The following SEC23A variants were observed in gnomAD, a reference collection of about 807,000 sequenced individuals.
The protein encoded by SEC23A is protein transport protein Sec23A.
In SEC23A, 56 loss-of-function variants were observed where a neutral mutation model predicts 103.7. The observed-to-expected ratio is 0.54, with a 90% confidence interval of 0.44 to 0.67. SEC23A has a LOEUF of 0.67. Among genes scored for constraint, SEC23A ranks in the 30% least tolerant of loss-of-function variants. The pLI, the probability that SEC23A is intolerant of heterozygous loss-of-function variation, is 0.00. For synonymous variants in SEC23A, 281 were observed against 293.0 expected (o/e 0.96, Z 0.42); for missense variants, 784 against 936.4 (o/e 0.84, Z 2.12).
chr14:39,064,425 A>G (rs1017541660), intron 11 of SEC23A: 2 of 154,728 alleles, frequency 1.3e-5, no homozygotes, highest in Non-Finnish European at 2.9e-5. Flanking sequence ...TCAAAAATCA[A>G]TTTAGAGCTA....
intron 16 of SEC23A, among the ~76,000 whole-genome samples, chr14:39,044,248 C>T (rs749055692): frequency 5.9e-5 from 9 of 152,074 alleles, no homozygotes; most frequent in East Asian, 1.9e-4. Flanking sequence ...CTTCTAAACA[C>T]CATTCTACAT....
At position 39,083,476 on chromosome 14, in the gene SEC23A, T is replaced by G. The variant is rs557421816; in HGVS notation, c.828+2286A>C. On this transcript the variant is annotated intron_variant, in intron 7 of 19. Transcript: ENST00000307712. ...ATGTCTCATGTCTCCCGAAAATTTATAAAACCAACTGTGCTCTGACCACCT... is the reference window on the plus strand; with the variant it reads ...ATGTCTCATGTCTCCCGAAAATTTAGAAAACCAACTGTGCTCTGACCACCT... Among the ~76,000 whole-genome samples the G allele has an allele frequency of 1.2e-4, 18 of 151,702 alleles. No homozygotes were observed. The East Asian group carries it at 3.5e-3, about 30-fold the overall frequency.
intron 1 of SEC23A, among the ~76,000 whole-genome samples, chr14:39,097,693 G>A (rs973032365): frequency 6.6e-6 from 1 of 152,120 alleles, no homozygotes; most frequent in Non-Finnish European, 1.5e-5. Context: ...CAGAATCTTG[G>A]AGACAGCTAG....
chr14:39,050,185 C>T (rs1886008875), intron 14 of SEC23A, among the ~76,000 whole-genome samples: 1 of 152,100 alleles, frequency 6.6e-6, no homozygotes, highest in East Asian at 1.9e-4. Context: ...CAGACTGAAG[C>T]ATAAAGAAGG....
At chr14:39,038,775 G>C (rs1885539417) in intron 19 of SEC23A, among the ~76,000 whole-genome samples, 1 of 152,162 alleles carries the variant, frequency 6.6e-6, no homozygotes, top group Non-Finnish European at 1.5e-5. Context: ...TTAAACTGGA[G>C]TCACCACTTC....
chr14:39,056,834 C>T (rs113084905), intron 13 of SEC23A, among the ~76,000 whole-genome samples: 2 of 152,070 alleles, frequency 1.3e-5, no homozygotes, highest in African/African-American at 4.8e-5. Context: ...AAAATATAAC[C>T]AAACCTAAAG....
intron 7 of SEC23A, among the ~76,000 whole-genome samples, chr14:39,082,433 T>C (rs1055365726): frequency 6.6e-6 from 1 of 152,138 alleles, no homozygotes; most frequent in Non-Finnish European, 1.5e-5. Flanking sequence ...TGGGTAAAAG[T>C]TTGCTGAGTA....
rs137921928 is a variant in SEC23A, at chr14:39,076,279, T to A, written c.829-186A>T. On this transcript the variant is annotated intron_variant, in intron 7 of 19. Transcript: ENST00000307712. ...ACAACTTTCTTTTAAAATCCTATGG[T>A]ATATAGTAGCACATTCCTAATTCTA... Among the ~76,000 whole-genome samples the A allele has an allele frequency of 4.5e-3, 691 of 152,258 alleles. 7 individuals carry two copies. Among genetic ancestry groups the A allele is most frequent in the African/African-American group, 0.016 (666 of 41,550 alleles).
rs147995893 is a variant in SEC23A at position 39,074,610 on chromosome 14, T to TAAG, written c.988-83_988-81dup. 0.46 allele frequency: 368,540 copies of TAAG among 800,896 alleles called. 87,970 individuals are homozygous for TAAG. Among genetic ancestry groups the TAAG allele is most frequent in the Middle Eastern group, 0.57 (1,920 of 3,366 alleles). The allele number at this position is 800,896 out of a possible 1,614,324, so 49.6% of individuals were successfully genotyped here. On this transcript the variant is annotated intron_variant, in intron 8 of 19. Transcript: ENST00000307712. ...TTTCCATTAACAGATCAAAATGATC[T>TAAG]AAGGACTAAAAGAGTAACTCATAAT...
chr14:39,052,942 C>A (rs143407069), intron 14 of SEC23A, among the ~76,000 whole-genome samples: 2 of 152,214 alleles, frequency 1.3e-5, no homozygotes, highest in East Asian at 3.9e-4. Context: ...TCAAGACCAG[C>A]CTGGCCAACA....
At chr14:39,089,437 AT>A (rs1180111867) in intron 5 of SEC23A, among the ~76,000 whole-genome samples, 1 of 152,118 alleles carries the variant, frequency 6.6e-6, no homozygotes, top group African/African-American at 2.4e-5. Context: ...CTCCTGTCTC[AT>A]GGAAACATGA....
chr14:39,032,700 A>G lies in SEC23A; in HGVS notation c.*539T>C, dbSNP rs1205330767. 1 of 152,680 alleles carries G rather than the reference A, an allele frequency of 6.5e-6. No individual in the cohort carries two copies. Among genetic ancestry groups the G allele is most frequent in the Non-Finnish European group, 1.5e-5 (1 of 68,082 alleles). The allele number at this position is 152,680 out of a possible 1,614,324, so 9.5% of individuals were successfully genotyped here. On this transcript the variant is annotated 3_prime_UTR_variant, in exon 20 of 20. Coordinates refer to ENST00000307712, the MANE Select transcript of SEC23A (RefSeq NM_006364.4). The stretch of plus-strand genomic sequence containing the variant: ...ATCATCATGAAAATTACCATTATAA[A>G]ATCAAATAATTCCTAAACAAATCAT...
chr14:39,038,626 T>C (rs1435161823), intron 19 of SEC23A, among the ~76,000 whole-genome samples: 1 of 152,180 alleles, frequency 6.6e-6, no homozygotes, highest in Non-Finnish European at 1.5e-5. Flanking sequence ...ATTACAGGCA[T>C]GAGCCACCAC....
In SEC23A at chr14:39,083,563, C is replaced by CTTTTTTTTTTTTTTTTT. The variant is rs71130810; in HGVS notation, c.828+2182_828+2198dup. Among the ~76,000 whole-genome samples the CTTTTTTTTTTTTTTTTT allele has an allele frequency of 4.6e-4, 42 of 91,812 alleles. 5 individuals are homozygous for CTTTTTTTTTTTTTTTTT. The highest frequency in any genetic ancestry group is 1.0e-3 in the African/African-American group (25 of 24,630). 60.2% of individuals were successfully genotyped at this position (91,812 alleles called of 152,430 possible). Reference sequence around the variant, plus strand: ...CCTCAGCCTTGGCAAAATAAACTTTCTTTTTTTTTTTTTTTTTGAGATGGA... The same window carrying CTTTTTTTTTTTTTTTTT: ...CCTCAGCCTTGGCAAAATAAACTTTCTTTTTTTTTTTTTTTTTTTTTTTTTTTTTTTTTTGAGATGGA... On this transcript the variant is annotated intron_variant, in intron 7 of 19. Coordinates refer to ENST00000307712, the MANE Select transcript of SEC23A (RefSeq NM_006364.4).
At chr14:39,083,672 C>A (rs1887316508) in intron 7 of SEC23A, among the ~76,000 whole-genome samples, 1 of 145,684 alleles carries the variant, frequency 6.9e-6, no homozygotes, top group Non-Finnish European at 1.5e-5. Context: ...AGGTGATTCT[C>A]CTGCTTCAGC....
At chr14:39,043,103 A>G (rs1885705058) in intron 16 of SEC23A, among the ~76,000 whole-genome samples, 1 of 152,144 alleles carries the variant, frequency 6.6e-6, no homozygotes, top group African/African-American at 2.4e-5. Context: ...CAGACCCCCA[A>G]GTAGCTGGGA....
intron 13 of SEC23A, among the ~76,000 whole-genome samples, chr14:39,059,029 ATAAAT>A (rs1886356840): frequency 6.6e-6 from 1 of 152,134 alleles, no homozygotes; most frequent in Non-Finnish European, 1.5e-5. Flanking sequence ...TTGTTTAGAC[ATAAAT>A]TAAAAGGTGG....
At chr14:39,067,740 G>A (rs1338240524) in intron 9 of SEC23A, among the ~76,000 whole-genome samples, 3 of 147,432 alleles carry the variant, frequency 2.0e-5, no homozygotes, top group African/African-American at 7.5e-5. Flanking sequence ...GAACAATCAC[G>A]GCTCACTGCA....
chr14:39,041,028 C>A (rs1397177559), intron 17 of SEC23A, 141 bp from the exon 18 acceptor site: 1 of 806,544 alleles, frequency 1.2e-6, no homozygotes, highest in South Asian at 2.5e-5. Flanking sequence ...TTAAAAGTTA[C>A]AATTTCAGTA....
Sources: gnomAD v4.1 joint callset for allele counts (sites outside exome capture counted in the v4.1 genomes callset) on GRCh38, gnomAD v4.1.1 for gene constraint, MANE v1.5 for transcripts, NCBI Gene and HGNC (gene_info 2026-07-23, HGNC 2026-07-21) for gene names.